Variants in PCDHA10 observed in about 807,000 individuals in gnomAD.
PCDHA10 encodes the protein protocadherin alpha 10.
Under a neutral mutation model 61.2 loss-of-function variants are expected in PCDHA10, and 45 were observed. The observed-to-expected ratio is 0.74, with a 90% CI of 0.58 to 0.94. The LOEUF (loss-of-function observed/expected upper bound fraction) is 0.94, where lower values mean the gene tolerates loss of function less well. Ranked by LOEUF, PCDHA10 falls within the 40% of genes least tolerant of loss-of-function variation. The pLI, the probability that PCDHA10 is intolerant of heterozygous loss-of-function variation, is 0.00. For missense variants in PCDHA10, 1,278 were observed against 1,236.2 expected, an observed-to-expected ratio of 1.03 and a Z score of -0.51; for synonymous variants, 602 against 548.8, an observed-to-expected ratio of 1.10 and a Z score of -1.35.
intron 3 of PCDHA10, among the ~76,000 whole-genome samples, chr5:140,993,585 G>T (rs2097574142): frequency 6.6e-6 from 1 of 151,526 alleles, no homozygotes; most frequent in Admixed American, 6.6e-5. Flanking sequence ...GCTTTTCTTG[G>T]CTTGGCTCCA....
At chr5:140,910,479 A>G (rs2075041093) in intron 1 of PCDHA10, among the ~76,000 whole-genome samples, 1 of 152,212 alleles carries the variant, frequency 6.6e-6, no homozygotes. Context: ...AAAATCTGGC[A>G]TACAGAGAAG....
chr5:140,935,550 C>G (rs1419018426), intron 1 of PCDHA10, among the ~76,000 whole-genome samples: 2 of 152,156 alleles, frequency 1.3e-5, no homozygotes, highest in African/African-American at 4.8e-5. Flanking sequence ...TTTAAAGTAT[C>G]TTGGAAAAGT....
chr5:140,900,502 C>T (rs1242310833), intron 1 of PCDHA10, among the ~76,000 whole-genome samples: 3 of 152,184 alleles, frequency 2.0e-5, no homozygotes, highest in Non-Finnish European at 4.4e-5. Context: ...GTCTCAAATT[C>T]CCAGCCTCAG....
At chr5:140,883,130 G>C in intron 1 of PCDHA10, 1 of 1,614,062 alleles carries the variant, frequency 6.2e-7, no homozygotes, top group Non-Finnish European at 8.5e-7. Flanking sequence ...TGTATGGCCT[G>C]CAGTGGTATA....
intron 1 of PCDHA10, among the ~76,000 whole-genome samples, chr5:140,960,822 T>C (rs1225829114): frequency 4.6e-5 from 7 of 152,080 alleles, no homozygotes; most frequent in African/African-American, 1.7e-4. Context: ...AAGTGATGAA[T>C]GGAAACTTGG....
chr5:140,891,767 A>C (rs1350557618), intron 1 of PCDHA10, among the ~76,000 whole-genome samples: 2 of 152,156 alleles, frequency 1.3e-5, no homozygotes, highest in African/African-American at 2.4e-5. Context: ...GAGGTGGGGA[A>C]TTTCAGGAAA....
At chr5:140,982,348 T>A (rs1253085859) in intron 2 of PCDHA10, 127 bp from the exon 3 acceptor site, 1 of 1,496,080 alleles carries the variant, frequency 6.7e-7, no homozygotes, top group East Asian at 2.4e-5. Flanking sequence ...TTGCTTCAGT[T>A]CAAGCATGAG....
Position 140,963,207 on chromosome 5 carries a change from C to A in PCDHA10, c.2389-15742C>A, listed in dbSNP as rs180756619. Among the ~76,000 whole-genome samples, 890 of 148,428 alleles carry A rather than the reference C, an allele frequency of 6.0e-3. 8 individuals are homozygous for A. Among genetic ancestry groups the A allele is most frequent in the African/African-American group, 0.021 (788 of 38,366 alleles). On this transcript the variant is annotated intron_variant, in intron 1 of 3. Transcript: ENST00000307360. Reference sequence around the variant, plus strand: ...TAGACTGTGAAAATGAAAAAAAAAACCTCGTGTTTAGAGTAGACACTGTTT... The same window carrying A: ...TAGACTGTGAAAATGAAAAAAAAAAACTCGTGTTTAGAGTAGACACTGTTT...
chr5:140,915,132 AGAGAC>A (rs1406752818), intron 1 of PCDHA10, among the ~76,000 whole-genome samples: 1 of 151,994 alleles, frequency 6.6e-6, no homozygotes, highest in Non-Finnish European at 1.5e-5. Flanking sequence ...TATTTTTAGT[AGAGAC>A]GGGGTTTCAC....
chr5:140,980,949 A>G (rs1187381167), intron 2 of PCDHA10, among the ~76,000 whole-genome samples: 1 of 152,182 alleles, frequency 6.6e-6, no homozygotes, highest in East Asian at 1.9e-4. Context: ...TGGCTCCAGG[A>G]TAGTTACACC....
At chr5:140,899,111 A>G (rs2067143820) in intron 1 of PCDHA10, among the ~76,000 whole-genome samples, 1 of 152,186 alleles carries the variant, frequency 6.6e-6, no homozygotes, top group Admixed American at 6.5e-5. Context: ...GGGGTTTTCT[A>G]GATATACAAT....
chr5:140,866,420 T>C (rs2049348301), intron 1 of PCDHA10: 1 of 152,148 alleles, frequency 6.6e-6, no homozygotes, highest in African/African-American at 2.4e-5. Context: ...CAAATGTGTG[T>C]AGGTCTTTCA....
chr5:140,860,179 T>C (rs1448179121), intron 1 of PCDHA10: 2 of 148,944 alleles, frequency 1.3e-5, no homozygotes, highest in African/African-American at 4.9e-5. Flanking sequence ...ATATATATGA[T>C]GGGCTCTCCT....
intron 1 of PCDHA10, among the ~76,000 whole-genome samples, chr5:140,925,244 G>A (rs1403438242): frequency 1.3e-5 from 2 of 152,070 alleles, no homozygotes; most frequent in African/African-American, 4.8e-5. Context: ...AATATGTCCT[G>A]GAAACTTTAA....
At chr5:140,900,178 T>G (rs972449455) in intron 1 of PCDHA10, among the ~76,000 whole-genome samples, 1 of 152,238 alleles carries the variant, frequency 6.6e-6, no homozygotes, top group East Asian at 1.9e-4. Flanking sequence ...GCCTGGTTTA[T>G]GTCACTTATA....
chr5:140,959,060 T>C (rs1201389008), intron 1 of PCDHA10, among the ~76,000 whole-genome samples: 1 of 152,138 alleles, frequency 6.6e-6, no homozygotes, highest in Admixed American at 6.5e-5. Context: ...AAATGCAGTA[T>C]ATATAGAATT....
intron 1 of PCDHA10, among the ~76,000 whole-genome samples, chr5:140,878,731 A>T (rs1037542413): frequency 1.3e-5 from 2 of 152,252 alleles, no homozygotes; most frequent in Admixed American, 6.5e-5. Context: ...TTCCAGCCTT[A>T]TATCTACTTT....
At chr5:140,894,363 C>T (rs971503382) in intron 1 of PCDHA10, among the ~76,000 whole-genome samples, 1 of 151,968 alleles carries the variant, frequency 6.6e-6, no homozygotes, top group Admixed American at 6.5e-5. Context: ...ATTTCTTCTT[C>T]AATGGCTCCA....
intron 1 of PCDHA10, among the ~76,000 whole-genome samples, chr5:140,935,712 T>C (rs1480290454): frequency 1.3e-5 from 2 of 152,138 alleles, no homozygotes; most frequent in African/African-American, 4.8e-5. Context: ...TAAAACAAAA[T>C]ATATTTAGAG....
Sources: allele counts gnomAD v4.1 joint callset (sites outside exome capture counted in the v4.1 genomes callset), GRCh38; gene constraint gnomAD v4.1.1; transcripts MANE v1.5; gene names NCBI Gene and HGNC (gene_info 2026-07-23, HGNC 2026-07-21).